PLCL1: variants seen among roughly 807,000 people sequenced by gnomAD.
The protein encoded by PLCL1 is inactive phospholipase C-like protein 1.
In PLCL1, 41 loss-of-function variants were observed where a neutral mutation model predicts 84.4. The ratio of observed to expected loss-of-function variants is 0.49; its 90% CI spans 0.38 to 0.63. The LOEUF (loss-of-function observed/expected upper bound fraction) is 0.63. Ranked by LOEUF, PLCL1 falls within the 30% of genes least tolerant of loss-of-function variation. The pLI, the probability that PLCL1 is intolerant of heterozygous loss-of-function variation, is 0.00. For synonymous variants in PLCL1, 490 were observed against 488.3 expected, an observed-to-expected ratio of 1.00 and a Z score of -0.05; for missense variants, 1,206 against 1,367.8, an observed-to-expected ratio of 0.88 and a Z score of 1.87.
intron 1 of PLCL1, among the ~76,000 whole-genome samples, chr2:197,856,685 A>T (rs145127969): frequency 2.3e-3 from 347 of 152,302 alleles, no homozygotes; most frequent in African/African-American, 7.8e-3. Flanking sequence ...TATACAATAT[A>T]TAAGATATGA....
chr2:197,950,690 T>A (rs544673137), intron 1 of PLCL1, among the ~76,000 whole-genome samples: 1 of 152,192 alleles, frequency 6.6e-6, no homozygotes, highest in South Asian at 2.1e-4. Context: ...TATAATAGAA[T>A]TAAAAAATAT....
intron 1 of PLCL1, among the ~76,000 whole-genome samples, chr2:197,980,727 T>G (rs1249224226): frequency 6.6e-6 from 1 of 152,174 alleles, no homozygotes; most frequent in Non-Finnish European, 1.5e-5. Context: ...CAAGATAATA[T>G]CAGATCATAA....
chr2:197,993,639 C>T (rs1690392215), intron 1 of PLCL1, among the ~76,000 whole-genome samples: 1 of 152,158 alleles, frequency 6.6e-6, no homozygotes, highest in Non-Finnish European at 1.5e-5. Flanking sequence ...CTAGAGAGAG[C>T]TACATCTGCA....
intron 1 of PLCL1, among the ~76,000 whole-genome samples, chr2:197,942,919 A>T (rs1689189203): frequency 6.6e-6 from 1 of 152,182 alleles, no homozygotes; most frequent in Admixed American, 6.5e-5. Flanking sequence ...TTATAATAGA[A>T]TATCAAGCCA....
intron 1 of PLCL1, among the ~76,000 whole-genome samples, chr2:198,026,611 T>C (rs1176881284): frequency 6.6e-6 from 1 of 152,160 alleles, no homozygotes; most frequent in East Asian, 1.9e-4. Flanking sequence ...TTAGTAATTC[T>C]CTTAAAAATA....
chr2:198,034,616 C>A (rs936873022), intron 1 of PLCL1, among the ~76,000 whole-genome samples: 1 of 152,182 alleles, frequency 6.6e-6, no homozygotes, highest in Non-Finnish European at 1.5e-5. Context: ...CCTCAGTGTG[C>A]ATTTTGAAAA....
chr2:197,993,488 G>A (rs1417646805), intron 1 of PLCL1, among the ~76,000 whole-genome samples: 3 of 152,138 alleles, frequency 2.0e-5, no homozygotes, highest in Non-Finnish European at 4.4e-5. Context: ...ACTGAGGAGA[G>A]CTTGGTGAAG....
At chr2:198,087,055 AC>A (rs1692904343) in intron 2 of PLCL1, among the ~76,000 whole-genome samples, 2 of 152,326 alleles carry the variant, frequency 1.3e-5, no homozygotes, top group South Asian at 4.1e-4. Flanking sequence ...GTAAAACTAA[AC>A]AAAAAAAATT....
chr2:197,896,700 G>C (rs542493631), intron 1 of PLCL1, among the ~76,000 whole-genome samples: 3 of 152,128 alleles, frequency 2.0e-5, no homozygotes, highest in East Asian at 3.9e-4. Flanking sequence ...CAGTTTTGCT[G>C]CTTAAAGTTT....
At chr2:198,012,420 G>A (rs946403109) in intron 1 of PLCL1, among the ~76,000 whole-genome samples, 2 of 152,024 alleles carry the variant, frequency 1.3e-5, no homozygotes, top group Non-Finnish European at 2.9e-5. Context: ...GTCAGTCAAG[G>A]CCATCTTGGA....
At position 198,147,121 on chromosome 2, in the gene PLCL1, T is replaced by C. The variant is rs935581847; in HGVS notation, c.*159T>C. On this transcript the variant is annotated 3_prime_UTR_variant, in exon 6 of 6. Transcript: ENST00000428675. Reference sequence around the variant, plus strand: ...AATGTCAGTATTTCAGTGTAGTTAATTTATCTAAATTAAAGCCTTTAGTAT... The same window carrying C: ...AATGTCAGTATTTCAGTGTAGTTAACTTATCTAAATTAAAGCCTTTAGTAT... 33 of 581,846 alleles carry C rather than the reference T, an allele frequency of 5.7e-5. No homozygotes were observed. The highest frequency in any genetic ancestry group is 1.3e-4 in the Admixed American group (4 of 30,650). The allele number at this position is 581,846 out of a possible 1,614,324, so 36.0% of individuals were successfully genotyped here. A position where few individuals can be genotyped will look rare whatever the true frequency, so the allele number is the denominator to read the frequency against.
At chr2:197,883,787 A>G (rs1449191308) in intron 1 of PLCL1, among the ~76,000 whole-genome samples, 2 of 152,212 alleles carry the variant, frequency 1.3e-5, no homozygotes, top group African/African-American at 4.8e-5. Context: ...ACACTTTTAG[A>G]TAGGAGATAA....
intron 1 of PLCL1, among the ~76,000 whole-genome samples, chr2:198,065,297 T>G (rs1346207747): frequency 6.6e-6 from 1 of 152,140 alleles, no homozygotes; most frequent in Non-Finnish European, 1.5e-5. Context: ...CCAGGATGAG[T>G]AAGGCTTTCA....
At chr2:198,039,464 G>C (rs1574266185) in intron 1 of PLCL1, among the ~76,000 whole-genome samples, 1 of 152,070 alleles carries the variant, frequency 6.6e-6, no homozygotes, top group Non-Finnish European at 1.5e-5. Context: ...GTTTGTTACT[G>C]TAATAATGAA....
intron 1 of PLCL1, among the ~76,000 whole-genome samples, chr2:197,907,909 T>C (rs1413183632): frequency 6.6e-6 from 1 of 152,114 alleles, no homozygotes. Context: ...CACCTTACAT[T>C]CTAAGTACTC....
intron 1 of PLCL1, among the ~76,000 whole-genome samples, chr2:197,852,791 C>A (rs1687263916): frequency 6.6e-6 from 1 of 152,054 alleles, no homozygotes; most frequent in Non-Finnish European, 1.5e-5. Context: ...GACTTGAATC[C>A]CAGAGCAGCC....
intron 1 of PLCL1, among the ~76,000 whole-genome samples, chr2:197,916,951 TAAG>T (rs1043685994): frequency 6.6e-6 from 1 of 151,966 alleles, no homozygotes; most frequent in African/African-American, 2.4e-5. Flanking sequence ...TAAACAACAA[TAAG>T]AAACCACTGT....
chr2:197,916,406 A>C (rs1426622630), intron 1 of PLCL1, among the ~76,000 whole-genome samples: 2 of 152,168 alleles, frequency 1.3e-5, no homozygotes, highest in African/African-American at 4.8e-5. Context: ...AAACATGGGC[A>C]AGTTTCTTAA....
chr2:197,862,448 C>T (rs568318774), intron 1 of PLCL1, among the ~76,000 whole-genome samples: 3 of 152,170 alleles, frequency 2.0e-5, no homozygotes, highest in Non-Finnish European at 4.4e-5. Context: ...TTAGTCAAGA[C>T]ATTTAGTTGC....
Sources: allele counts gnomAD v4.1 joint callset (sites outside exome capture counted in the v4.1 genomes callset), GRCh38; gene constraint gnomAD v4.1.1; transcripts MANE v1.5; gene names NCBI Gene and HGNC (gene_info 2026-07-23, HGNC 2026-07-21).